Variants in PLXNA2 observed in about 807,000 individuals in gnomAD.
PLXNA2 encodes plexin A2, also known as plexin-A2.
PLXNA2 carries 91 observed loss-of-function variants against 193.5 expected under a neutral mutation model. That is an observed-to-expected ratio of 0.47 (90% confidence interval 0.40 to 0.56). The LOEUF (loss-of-function observed/expected upper bound fraction) is 0.56. Ranked by LOEUF, PLXNA2 falls within the 20% of genes least tolerant of loss-of-function variation. The pLI is 0.00. For synonymous variants in PLXNA2, 997 were observed against 1,027.3 expected (o/e 0.97, Z 0.56); for missense variants, 1,995 against 2,503.2 (o/e 0.80, Z 4.33).
intron 4 of PLXNA2, among the ~76,000 whole-genome samples, chr1:208,124,946 G>A (rs901031848): frequency 1.3e-5 from 2 of 152,036 alleles, no homozygotes; most frequent in Non-Finnish European, 2.9e-5. Context: ...CAGAGAATGG[G>A]GTATAGCCAT....
In PLXNA2 at chr1:208,244,294, G is replaced by A. The variant is rs558684217; in HGVS notation, c.-732C>T. On this transcript the variant is annotated 5_prime_UTR_variant, in exon 1 of 32. Coordinates refer to ENST00000367033, the MANE Select transcript of PLXNA2 (RefSeq NM_025179.4). ...GATGCCGCTCCTCCCGGCAGCTCTG[G>A]CTCCCGCGGTGGCGGCGGCGGCGGC... 1.7e-4 allele frequency: 27 copies of A among 155,022 alleles called. No homozygotes were observed. The East Asian group carries it at 3.9e-3, about 22-fold the overall frequency. 9.6% of individuals were successfully genotyped at this position (155,022 alleles called of 1,614,324 possible).
At chr1:208,070,591 A>T (rs1310097458) in intron 12 of PLXNA2, among the ~76,000 whole-genome samples, 2 of 152,206 alleles carry the variant, frequency 1.3e-5, no homozygotes, top group Non-Finnish European at 2.9e-5. Context: ...GAAAGAGATG[A>T]AGGACTGGTT....
At chr1:208,163,555 T>C (rs1571985411) in intron 3 of PLXNA2, among the ~76,000 whole-genome samples, 2 of 152,076 alleles carry the variant, frequency 1.3e-5, no homozygotes, top group South Asian at 4.1e-4. Flanking sequence ...GGGCATGGGG[T>C]AGGGAGCTCT....
At chr1:208,207,665 G>C (rs1670778217) in intron 3 of PLXNA2, among the ~76,000 whole-genome samples, 2 of 152,222 alleles carry the variant, frequency 1.3e-5, no homozygotes, top group Non-Finnish European at 2.9e-5. Flanking sequence ...TGTTGAAAGA[G>C]CTATGGGGCC....
intron 3 of PLXNA2, among the ~76,000 whole-genome samples, chr1:208,181,857 G>A (rs937498101): frequency 1.3e-5 from 2 of 152,172 alleles, no homozygotes; most frequent in Non-Finnish European, 1.5e-5. Context: ...GGAGGCAAAT[G>A]TTCTCCTCCA....
At chr1:208,204,459 C>G (rs1670651720) in intron 3 of PLXNA2, among the ~76,000 whole-genome samples, 2 of 152,188 alleles carry the variant, frequency 1.3e-5, no homozygotes, top group Non-Finnish European at 2.9e-5. Flanking sequence ...AAACAAACTC[C>G]TTTCCTGTTA....
chr1:208,167,204 G>A (rs1311298471), intron 3 of PLXNA2, among the ~76,000 whole-genome samples: 2 of 152,122 alleles, frequency 1.3e-5, no homozygotes, highest in Admixed American at 6.6e-5. Flanking sequence ...TGACTATGGC[G>A]ATTTTATATT....
At chr1:208,098,800 C>T in intron 6 of PLXNA2, 46 bp downstream of exon 6, 1 of 1,599,732 alleles carries the variant, frequency 6.3e-7, no homozygotes, top group Admixed American at 1.7e-5. Flanking sequence ...CACACAGGTG[C>T]ATGCACTGTA....
At chr1:208,207,036 C>T (rs1572031878) in intron 3 of PLXNA2, among the ~76,000 whole-genome samples, 4 of 151,922 alleles carry the variant, frequency 2.6e-5, no homozygotes, top group Admixed American at 2.6e-4. Flanking sequence ...GATGGAGTCT[C>T]ACTCTGTTGC....
At chr1:208,103,093 G>GAA in intron 5 of PLXNA2, 54 bp downstream of exon 5, 2 of 1,230,888 alleles carry the variant, frequency 1.6e-6, no homozygotes, top group South Asian at 2.5e-5. Context: ...ATCATTCCCG[G>GAA]AAAGCCCCGG....
chr1:208,186,894 T>G (rs571595585), intron 3 of PLXNA2, among the ~76,000 whole-genome samples: 5 of 150,292 alleles, frequency 3.3e-5, no homozygotes, highest in Non-Finnish European at 7.4e-5. Flanking sequence ...TAATTTTTTT[T>G]GTATTTTTAG....
At chr1:208,101,965 G>A (rs1391516697) in intron 5 of PLXNA2, among the ~76,000 whole-genome samples, 1 of 152,162 alleles carries the variant, frequency 6.6e-6, no homozygotes, top group East Asian at 1.9e-4. Flanking sequence ...CTCACTGCAG[G>A]GAACCAAGAT....
intron 3 of PLXNA2, among the ~76,000 whole-genome samples, chr1:208,177,060 C>A (rs1669682177): frequency 7.7e-6 from 1 of 130,506 alleles, no homozygotes; most frequent in Non-Finnish European, 1.9e-5. Context: ...TCTTTGATGG[C>A]TTTGCCGACT....
rs200206618 is a variant in PLXNA2 at position 208,045,865 on chromosome 1, C to T, written c.3495+13G>A. On this transcript the variant is annotated intron_variant, in intron 18 of 31. Coordinates refer to ENST00000367033, the MANE Select transcript of PLXNA2 (RefSeq NM_025179.4). ...TGCCCCTGGTGGCACTGCCCTCTGG[C>T]GGGCACTCCTACCTTCAGAATGATG... The T allele has an allele frequency of 3.7e-5, 60 of 1,613,690 alleles. No homozygotes were observed. Among genetic ancestry groups the T allele is most frequent in the African/African-American group, 1.1e-4 (8 of 75,058 alleles).
At position 208,160,929 on chromosome 1, in the gene PLXNA2, G is replaced by A. The variant is rs1305342500; in HGVS notation, c.1372-18466C>T. ...TAGAGACAGGAAGGAATTACTGCAA[G>A]TGGCATGAGGGAATCACATCAGGAT... On this transcript the variant is annotated intron_variant, in intron 3 of 31. Transcript: ENST00000367033. 2.0e-5 allele frequency among the ~76,000 whole-genome samples: 3 copies of A among 152,246 alleles called. 1 individual carries two copies. Among genetic ancestry groups the A allele is most frequent in the Admixed American group, 2.0e-4 (3 of 15,294 alleles).
In PLXNA2 at chr1:208,082,733, C is replaced by T. The variant is rs372229965; in HGVS notation, c.2299-225G>A. Among the ~76,000 whole-genome samples, 5 of 152,202 alleles carry T rather than the reference C, an allele frequency of 3.3e-5. No individual in the cohort carries two copies. The highest frequency in any genetic ancestry group is 7.2e-5 in the African/African-American group (3 of 41,448). ...CCAGCTTTCTCCTCCACTGCTCTCCCGTGGAAAGCTTTGAATCTACCTTTC... is the reference window on the plus strand; with the variant it reads ...CCAGCTTTCTCCTCCACTGCTCTCCTGTGGAAAGCTTTGAATCTACCTTTC... On this transcript the variant is annotated intron_variant, in intron 10 of 31. Coordinates refer to ENST00000367033, the MANE Select transcript of PLXNA2 (RefSeq NM_025179.4). This position sits in a 1 kb window ranked among gnomAD's most constrained non-coding sequence, Gnocchi z 4.2.
At chr1:208,141,210 C>T (rs1668447173) in intron 4 of PLXNA2, among the ~76,000 whole-genome samples, 1 of 152,240 alleles carries the variant, frequency 6.6e-6, no homozygotes, top group Non-Finnish European at 1.5e-5. Flanking sequence ...TGCATCACTG[C>T]TTCCCTTAAT....
chr1:208,208,158 C>T (rs1377028193), intron 3 of PLXNA2, among the ~76,000 whole-genome samples: 1 of 152,226 alleles, frequency 6.6e-6, no homozygotes, highest in Non-Finnish European at 1.5e-5. Flanking sequence ...GGTCCCTTTT[C>T]CTTTATTCAC....
intron 1 of PLXNA2, among the ~76,000 whole-genome samples, chr1:208,229,963 T>C (rs932892774): frequency 5.3e-5 from 8 of 152,234 alleles, no homozygotes; most frequent in African/African-American, 1.9e-4. Flanking sequence ...TCAAGTCTCA[T>C]TCTATCACTT....
Sources: gnomAD v4.1 joint callset for allele counts (sites outside exome capture counted in the v4.1 genomes callset) on GRCh38, gnomAD v4.1.1 for gene constraint, Gnocchi (gnomAD v3.1) non-coding constraint, MANE v1.5 for transcripts, NCBI Gene and HGNC (gene_info 2026-07-23, HGNC 2026-07-21) for gene names.